The following EFCAB9 variants were observed in gnomAD, a reference collection of about 807,000 sequenced individuals.
EFCAB9 encodes EF-hand calcium binding domain 9.
In EFCAB9, 16 loss-of-function variants were observed where a neutral mutation model predicts 15.6. The observed-to-expected ratio is 1.03, with a 90% CI of 0.69 to 1.56. The LOEUF is 1.56. Ranked by LOEUF, EFCAB9 falls within the 40% of genes most tolerant of loss-of-function variation. The probability of loss-of-function intolerance (pLI) is 0.00; values close to 1 mark genes in which losing one functional copy is unlikely to be tolerated. For missense variants in EFCAB9, 208 were observed against 235.4 expected (o/e 0.88, Z 0.76); for synonymous variants, 76 against 85.4 (o/e 0.89, Z 0.61).
At chr5:172,198,655 C>T (rs536592590) in intron 1 of EFCAB9, among the ~76,000 whole-genome samples, 3 of 152,270 alleles carry the variant, frequency 2.0e-5, no homozygotes, top group Non-Finnish European at 4.4e-5. Flanking sequence ...CTTGGTCTGT[C>T]GCCCAGGCTG....
At chr5:172,199,576 A>G (rs1186229483) in intron 2 of EFCAB9, 45 bp downstream of exon 2, 3 of 1,533,320 alleles carry the variant, frequency 2.0e-6, no homozygotes, top group African/African-American at 1.4e-5. Flanking sequence ...TAATGGGAGC[A>G]CTGAATTAGG....
At chr5:172,197,475 G>A (rs1420624708) in intron 1 of EFCAB9, among the ~76,000 whole-genome samples, 1 of 152,150 alleles carries the variant, frequency 6.6e-6, no homozygotes, top group Non-Finnish European at 1.5e-5. Context: ...TAGGAGCTTG[G>A]AGAAATGGGC....
At chr5:172,200,213 C>A (rs576420930) in intron 2 of EFCAB9, among the ~76,000 whole-genome samples, 4 of 152,150 alleles carry the variant, frequency 2.6e-5, no homozygotes, top group African/African-American at 7.2e-5. Context: ...AGCCACCACA[C>A]CCCGCCTCAG....
At chr5:172,202,632 C>G (rs944888613) in intron 3 of EFCAB9, among the ~76,000 whole-genome samples, 1 of 151,258 alleles carries the variant, frequency 6.6e-6, no homozygotes, top group African/African-American at 2.4e-5. Context: ...CCCTTGAACC[C>G]GGGAGGCGGA....
chr5:172,200,300 TA>T (rs1383315617), intron 2 of EFCAB9, among the ~76,000 whole-genome samples: 1 of 152,074 alleles, frequency 6.6e-6, no homozygotes, highest in Admixed American at 6.6e-5. Context: ...TCACTGAAGG[TA>T]AGGAAATGCA....
At chr5:172,199,005 C>T (rs1771208068) in intron 1 of EFCAB9, among the ~76,000 whole-genome samples, 1 of 152,172 alleles carries the variant, frequency 6.6e-6, no homozygotes, top group Non-Finnish European at 1.5e-5. Flanking sequence ...GTTCTCAGTC[C>T]CCAGTGAGAA....
intron 3 of EFCAB9, 147 bp downstream of exon 3, chr5:172,200,889 G>C: frequency 2.5e-6 from 2 of 809,602 alleles, no homozygotes; most frequent in Non-Finnish European, 3.7e-6. Flanking sequence ...ACAAGGATCA[G>C]AAAAAAACTT....
At chr5:172,195,699 A>G (rs1771148621) in intron 1 of EFCAB9, among the ~76,000 whole-genome samples, 1 of 152,226 alleles carries the variant, frequency 6.6e-6, no homozygotes, top group South Asian at 2.1e-4. Context: ...AGTGACCTGG[A>G]AGGGTGAAGG....
chr5:172,199,510 G>T lies in EFCAB9; in HGVS notation c.264G>T (p.Val88=). 1 of 1,537,308 alleles carries T rather than the reference G, an allele frequency of 6.5e-7. No individual in the cohort carries two copies. The highest frequency in any genetic ancestry group is 8.7e-7 in the Non-Finnish European group (1 of 1,146,920). ...ACTTTGAGAAGTTCTACATGCTGGT[G>T]TGCATGCTGCTGGCCCACCAGGCAA... is the stretch of plus-strand genomic sequence containing the variant. ...EIDFEKFYML[V]CMLLAHQNHL... The change falls in exon 2 of 4, where the codon GTG becomes GTT. Residue 88 remains valine (V), a synonymous_variant. Coordinates refer to ENST00000398186, the MANE Select transcript of EFCAB9 (RefSeq NM_001171183.2).
chr5:172,195,479 G>A (rs1181159403), intron 1 of EFCAB9, among the ~76,000 whole-genome samples: 3 of 152,082 alleles, frequency 2.0e-5, no homozygotes, highest in Admixed American at 6.6e-5. Context: ...CCAAATCTTC[G>A]CAATAACCCT....
chr5:172,203,367 GA>G lies in EFCAB9; in HGVS notation c.*29del, dbSNP rs1248632533. On this transcript the variant is annotated 3_prime_UTR_variant, in exon 4 of 4. Coordinates refer to ENST00000398186, the MANE Select transcript of EFCAB9 (RefSeq NM_001171183.2). ...GTAGATACAAGCTGAAAGAGTCTTG[GA>G]AAAAAATGGGATCTGAAAGTACAGA... 4.0e-6 allele frequency: 6 copies of G among 1,517,290 alleles called. No homozygotes were observed. The African/African-American group carries it at 4.2e-5, about 11-fold the overall frequency. The allele number at this position is 1,517,290 out of a possible 1,614,324, so 94.0% of individuals were successfully genotyped here.
At chr5:172,197,235 G>A (rs1009861165) in intron 1 of EFCAB9, among the ~76,000 whole-genome samples, 5 of 151,978 alleles carry the variant, frequency 3.3e-5, no homozygotes, top group Admixed American at 2.0e-4. Flanking sequence ...AGCCTCCCGA[G>A]TAGCTGGGAT....
chr5:172,199,429 G>A lies in EFCAB9; in HGVS notation c.183G>A (p.Lys61=). 12 of 1,537,222 alleles carry A rather than the reference G, an allele frequency of 7.8e-6. No individual in the cohort carries two copies. Among genetic ancestry groups the A allele is most frequent in the Non-Finnish European group, 1.0e-5 (12 of 1,146,914 alleles). Reference sequence around the variant, plus strand: ...TTCATCATGTGACTGACTTGAAAAAGGCACAGATCAACATTGTGTTTGACA... The same window carrying A: ...TTCATCATGTGACTGACTTGAAAAAAGCACAGATCAACATTGTGTTTGACA... ...HFLHHVTDLK[K]AQINIVFDML... The change falls in exon 2 of 4, where the codon AAG becomes AAA. Residue 61 remains lysine, a synonymous_variant. Transcript: ENST00000398186.
At chr5:172,194,967 C>G (rs1225517039) in intron 1 of EFCAB9, among the ~76,000 whole-genome samples, 2 of 151,950 alleles carry the variant, frequency 1.3e-5, no homozygotes, top group African/African-American at 2.4e-5. Context: ...ATGCTTAGCA[C>G]AGTGTCTGAC....
chr5:172,202,707 CAA>C (rs904999655), intron 3 of EFCAB9, among the ~76,000 whole-genome samples: 3 of 128,552 alleles, frequency 2.3e-5, no homozygotes. Flanking sequence ...GACCCCGTCT[CAA>C]AAAAAAAAAA....
chr5:172,194,412 T>TG lies in EFCAB9; in HGVS notation c.136+104_136+105insG. Reference sequence around the variant, plus strand: ...AACTATTTTGTTAGTACATTTTTTTTTTTTTGAGACGGAATCTCGCTCTAT... The same window carrying TG: ...AACTATTTTGTTAGTACATTTTTTTTGTTTTTGAGACGGAATCTCGCTCTAT... On this transcript the variant is annotated intron_variant, in intron 1 of 3. Transcript: ENST00000398186. 5 of 1,420,944 alleles carry TG rather than the reference T, an allele frequency of 3.5e-6. No homozygotes were observed. The South Asian group carries it at 7.4e-5, about 21-fold the overall frequency. 88.0% of individuals were successfully genotyped at this position (1,420,944 alleles called of 1,614,324 possible).
In EFCAB9 at chr5:172,199,542, G is replaced by A. The variant is rs371753745; in HGVS notation, c.285+11G>A. 155 of 1,536,762 alleles carry A rather than the reference G, an allele frequency of 1.0e-4. 1 individual carries two copies. Among genetic ancestry groups the A allele is most frequent in the South Asian group, 4.8e-4 (40 of 83,990 alleles). ...CTGCTGGCCCACCAGGCAAGTAGCC[G>A]CGCGGCTGCTGCCATCCTCTTGCTA... is the stretch of plus-strand genomic sequence containing the variant. On this transcript the variant is annotated intron_variant, in intron 2 of 3. Transcript: ENST00000398186.
intron 3 of EFCAB9, among the ~76,000 whole-genome samples, chr5:172,201,741 G>A (rs528489048): frequency 1.3e-5 from 2 of 152,284 alleles, no homozygotes; most frequent in Admixed American, 6.5e-5. Context: ...GAGCACTGTG[G>A]TGCGCACCTG....
rs372701864 is a variant in EFCAB9 at position 172,195,335 on chromosome 5, C to G, written c.136+1027C>G. Among the ~76,000 whole-genome samples, 68 of 152,260 alleles carry G rather than the reference C, an allele frequency of 4.5e-4. 1 individual carries two copies. Among genetic ancestry groups the G allele is most frequent in the South Asian group, 6.2e-4 (3 of 4,830 alleles). On this transcript the variant is annotated intron_variant, in intron 1 of 3. Transcript: ENST00000398186. ...CCTATCCATTCACTCGTTCTGACCTCAGAGAGAGAAATGTCATCCGTGAGT... is the reference window on the plus strand; with the variant it reads ...CCTATCCATTCACTCGTTCTGACCTGAGAGAGAGAAATGTCATCCGTGAGT...
Sources: gnomAD v4.1 joint callset for allele counts (sites outside exome capture counted in the v4.1 genomes callset) on GRCh38, gnomAD v4.1.1 for gene constraint, MANE v1.5 for transcripts, NCBI Gene and HGNC (gene_info 2026-07-23, HGNC 2026-07-21) for gene names.